SLC24A2: variants seen among roughly 807,000 people sequenced by gnomAD.
SLC24A2 encodes the protein solute carrier family 24 member 2.
A neutral mutation model predicts 62.0 loss-of-function variants in SLC24A2; 36 were observed. The observed-to-expected ratio is 0.58, with a 90% CI of 0.44 to 0.77. The LOEUF is 0.77. SLC24A2 is among the 30% of genes least tolerant of loss of function. The pLI, the probability that SLC24A2 is intolerant of heterozygous loss-of-function variation, is 0.00. For synonymous variants in SLC24A2, 358 were observed against 294.0 expected (o/e 1.22, Z -2.23); for missense variants, 846 against 817.9 (o/e 1.03, Z -0.42).
chr9:20,264,245 A>G, the SLC24A2 span, among the ~76,000 whole-genome samples: 28 of 152,334 alleles, frequency 1.8e-4, 1 homozygote, highest in South Asian at 5.6e-3. Flanking sequence ...CTATAAGGTT[A>G]GCATAAGTAT....
At chr9:19,811,412 TG>T in the SLC24A2 span, among the ~76,000 whole-genome samples, 1 of 152,244 alleles carries the variant, frequency 6.6e-6, no homozygotes. Flanking sequence ...AAATTTGCAA[TG>T]GGTTCATTTA....
intron 2 of SLC24A2, among the ~76,000 whole-genome samples, chr9:19,725,652 G>A (rs1024822951): frequency 2.0e-5 from 3 of 152,054 alleles, no homozygotes; most frequent in East Asian, 1.9e-4. Context: ...ATAATGAGAC[G>A]GTATATGAAT....
At chr9:19,750,426 CA>C (rs1821949758) in intron 2 of SLC24A2, among the ~76,000 whole-genome samples, 1 of 152,044 alleles carries the variant, frequency 6.6e-6, no homozygotes, top group African/African-American at 2.4e-5. Flanking sequence ...CTAACAGCCC[CA>C]GGCTAGAAGT....
intron 2 of SLC24A2, among the ~76,000 whole-genome samples, chr9:19,734,692 T>C (rs567677082): frequency 3.3e-5 from 5 of 152,322 alleles, no homozygotes; most frequent in African/African-American, 1.2e-4. Flanking sequence ...TGTCTGTTAT[T>C]GGTGTATAAG....
chr9:19,942,880 G>C, the SLC24A2 span, among the ~76,000 whole-genome samples: 1 of 152,148 alleles, frequency 6.6e-6, no homozygotes, highest in African/African-American at 2.4e-5. Context: ...AAGACTTGAA[G>C]TTGTAAACAA....
chr9:19,753,487 G>A (rs1433626831), intron 2 of SLC24A2, among the ~76,000 whole-genome samples: 4 of 152,176 alleles, frequency 2.6e-5, no homozygotes, highest in African/African-American at 9.6e-5. Context: ...GTGCTTATTA[G>A]TCAGACTGGC....
the SLC24A2 span, among the ~76,000 whole-genome samples, chr9:20,262,072 A>T: frequency 6.6e-6 from 1 of 152,182 alleles, no homozygotes; most frequent in Non-Finnish European, 1.5e-5. Flanking sequence ...CATAAACAAA[A>T]GACAACATTG....
chr9:19,738,034 T>C (rs1049497025), intron 2 of SLC24A2, among the ~76,000 whole-genome samples: 2 of 152,202 alleles, frequency 1.3e-5, no homozygotes, highest in African/African-American at 4.8e-5. Context: ...TACGAATAAC[T>C]TGCTGATCTT....
At chr9:20,031,626 T>G in the SLC24A2 span, among the ~76,000 whole-genome samples, 2 of 152,082 alleles carry the variant, frequency 1.3e-5, no homozygotes, top group Non-Finnish European at 2.9e-5. Context: ...CAGAGTTATG[T>G]GAGGGTTCAC....
chr9:20,144,954 G>A, the SLC24A2 span, among the ~76,000 whole-genome samples: 20 of 152,064 alleles, frequency 1.3e-4, no homozygotes, highest in Admixed American at 2.6e-4. Flanking sequence ...TCCAAAGAAG[G>A]ATAATAGACT....
the SLC24A2 span, among the ~76,000 whole-genome samples, chr9:19,883,732 A>T: frequency 6.6e-6 from 1 of 151,942 alleles, no homozygotes; most frequent in South Asian, 2.1e-4. Context: ...TGCCTGGCGA[A>T]TTTTTTGTAT....
At chr9:19,801,269 C>G in the SLC24A2 span, among the ~76,000 whole-genome samples, 1 of 152,164 alleles carries the variant, frequency 6.6e-6, no homozygotes, top group Non-Finnish European at 1.5e-5. Context: ...GTGTTCAGCT[C>G]GATTAGGATG....
chr9:20,073,635 G>C, the SLC24A2 span, among the ~76,000 whole-genome samples: 2 of 151,810 alleles, frequency 1.3e-5, no homozygotes, highest in Non-Finnish European at 2.9e-5. Flanking sequence ...TGTTTTCAGA[G>C]ATATTAATAT....
chr9:20,191,806 T>G, the SLC24A2 span, among the ~76,000 whole-genome samples: 592 of 151,976 alleles, frequency 3.9e-3, 6 homozygotes, highest in African/African-American at 0.014. Context: ...TAAAAGAAAT[T>G]TGAAGTGAAA....
the SLC24A2 span, among the ~76,000 whole-genome samples, chr9:20,047,670 T>C: frequency 2.0e-5 from 3 of 146,424 alleles, no homozygotes; most frequent in Non-Finnish European, 4.6e-5. Context: ...TCATTGTAAA[T>C]GTACATAGAG....
intron 2 of SLC24A2, among the ~76,000 whole-genome samples, chr9:19,652,980 G>A (rs1448952475): frequency 6.6e-6 from 1 of 152,044 alleles, no homozygotes; most frequent in Non-Finnish European, 1.5e-5. Flanking sequence ...ATCTGCCAAG[G>A]AAAAGGCAAC....
intron 8 of SLC24A2, among the ~76,000 whole-genome samples, chr9:19,538,729 A>T (rs1420412813): frequency 2.3e-5 from 3 of 132,362 alleles, no homozygotes; most frequent in Admixed American, 7.8e-5. Flanking sequence ...AAAATGAGTT[A>T]GGGAGGATTC....
At chr9:20,230,422 C>T in the SLC24A2 span, among the ~76,000 whole-genome samples, 936 of 152,280 alleles carry the variant, frequency 6.1e-3, 11 homozygotes, top group East Asian at 0.028. Context: ...TAATGATTGC[C>T]ATTCTGACTG....
At chr9:19,948,788 T>A in the SLC24A2 span, among the ~76,000 whole-genome samples, 40 of 130,828 alleles carry the variant, frequency 3.1e-4, no homozygotes, top group Middle Eastern at 5.8e-3. Context: ...GAGCTTGCAG[T>A]GAGCGGAGAT....
Sources: allele counts gnomAD v4.1 joint callset (sites outside exome capture counted in the v4.1 genomes callset), GRCh38; gene constraint gnomAD v4.1.1; transcripts MANE v1.5; gene names NCBI Gene and HGNC (gene_info 2026-07-23, HGNC 2026-07-21).